CDIN1: variants seen among roughly 807,000 people sequenced by gnomAD.
CDIN1 encodes CDAN1-interacting nuclease 1.
In CDIN1, 33 loss-of-function variants were observed where a neutral mutation model predicts 45.3. That is an observed-to-expected ratio of 0.73 (90% confidence interval 0.55 to 0.97). The LOEUF is 0.97. CDIN1 is among the 50% of genes least tolerant of loss of function. The pLI is 0.00. For missense variants in CDIN1, 303 were observed against 339.4 expected, an observed-to-expected ratio of 0.89 and a Z score of 0.84; for synonymous variants, 118 against 124.4, an observed-to-expected ratio of 0.95 and a Z score of 0.34.
intron 10 of CDIN1, among the ~76,000 whole-genome samples, chr15:36,789,915 C>T (rs952881660): frequency 6.6e-6 from 1 of 152,126 alleles, no homozygotes; most frequent in African/African-American, 2.4e-5. Flanking sequence ...ATTCGCCTTT[C>T]AAATGGTGGC....
intron 3 of CDIN1, among the ~76,000 whole-genome samples, chr15:36,648,994 A>G (rs62002299): frequency 6.6e-6 from 1 of 150,762 alleles, no homozygotes; most frequent in Non-Finnish European, 1.5e-5. Context: ...AAGTGCTAGG[A>G]AAAAAAAAGT....
rs187807697 is a variant in CDIN1 at position 36,723,611 on chromosome 15, G to A, written c.716+13650G>A. Among the ~76,000 whole-genome samples the A allele has an allele frequency of 6.9e-3, 1,050 of 152,070 alleles. 4 individuals are homozygous for A. Among genetic ancestry groups the A allele is most frequent in the Non-Finnish European group, 0.01 (700 of 67,980 alleles). ...GACAAGGCTTCACTTTGTCAGCCAGGCTAGAATGAAGTGGGCACTCGTAGC... is the reference window on the plus strand; with the variant it reads ...GACAAGGCTTCACTTTGTCAGCCAGACTAGAATGAAGTGGGCACTCGTAGC... On this transcript the variant is annotated intron_variant, in intron 10 of 10. Coordinates refer to ENST00000566621, the MANE Select transcript of CDIN1 (RefSeq NM_001321759.2).
intron 10 of CDIN1, among the ~76,000 whole-genome samples, chr15:36,769,234 G>A (rs1305532278): frequency 1.3e-5 from 2 of 152,182 alleles, no homozygotes; most frequent in Non-Finnish European, 2.9e-5. Context: ...CATATATTGA[G>A]AGATTTATTT....
chr15:36,655,987 A>G (rs146010494), intron 4 of CDIN1, among the ~76,000 whole-genome samples: 308 of 152,326 alleles, frequency 2.0e-3, no homozygotes, highest in African/African-American at 6.3e-3. Context: ...CCTTTTATTT[A>G]CCATGAATAT....
chr15:36,765,171 T>G (rs2053886937), intron 10 of CDIN1, among the ~76,000 whole-genome samples: 1 of 151,508 alleles, frequency 6.6e-6, no homozygotes, highest in African/African-American at 2.4e-5. Flanking sequence ...TTCTCCTGTC[T>G]CAGCCTTCCT....
Position 36,641,829 on chromosome 15 carries a change from G to A in CDIN1, c.102-2449G>A, listed in dbSNP as rs551255059. 6 of 152,234 alleles carry A rather than the reference G, an allele frequency of 3.9e-5. No individual in the cohort carries two copies. The South Asian group carries it at 1.0e-3, about 26-fold the overall frequency. 9.4% of individuals were successfully genotyped at this position (152,234 alleles called of 1,614,324 possible). A position where few individuals can be genotyped will look rare whatever the true frequency, so the allele number is the denominator to read the frequency against. On this transcript the variant is annotated intron_variant, in intron 1 of 10. Transcript: ENST00000566621. Reference sequence around the variant, plus strand: ...ATTCTGATGGCATATTTTCCCATACGTGTTACCTTGGGACATTGTAGATGC... The same window carrying A: ...ATTCTGATGGCATATTTTCCCATACATGTTACCTTGGGACATTGTAGATGC...
chr15:36,776,750 G>T (rs8029922), intron 10 of CDIN1, among the ~76,000 whole-genome samples: 102,093 of 151,968 alleles, frequency 0.67, 37,344 homozygotes, highest in East Asian at 0.95. Context: ...CTGAGTAAAA[G>T]AAAGATAAAA....
chr15:36,663,826 CTTGCAGCTCACTTTGTAATAGATCATGA>C (rs1362818182), intron 5 of CDIN1, among the ~76,000 whole-genome samples: 1 of 152,176 alleles, frequency 6.6e-6, no homozygotes, highest in African/African-American at 2.4e-5. Flanking sequence ...TTATAAATAA[CTTGCAGCTCACTTTGTAATAGATCATGA>C]CACAGAACTA....
intron 1 of CDIN1, among the ~76,000 whole-genome samples, chr15:36,636,969 A>T (rs184445697): frequency 5.9e-5 from 9 of 152,372 alleles, no homozygotes; most frequent in African/African-American, 2.2e-4. Context: ...AACATTACAT[A>T]TAGTGGGTAA....
chr15:36,686,055 A>C (rs888876332), intron 5 of CDIN1, among the ~76,000 whole-genome samples: 7 of 152,038 alleles, frequency 4.6e-5, no homozygotes, highest in East Asian at 1.9e-4. Flanking sequence ...CCATCCCATT[A>C]CTGGGTATAT....
At chr15:36,668,235 A>G (rs991314563) in intron 5 of CDIN1, 1 of 152,136 alleles carries the variant, frequency 6.6e-6, no homozygotes, top group Non-Finnish European at 1.5e-5. Context: ...TATTTTGTTG[A>G]TAATGTACCT....
At chr15:36,642,991 G>A (rs2040171751) in intron 1 of CDIN1, among the ~76,000 whole-genome samples, 2 of 152,056 alleles carry the variant, frequency 1.3e-5, no homozygotes, top group Non-Finnish European at 2.9e-5. Context: ...ATGTGATTTG[G>A]ATGTTAAGCT....
At chr15:36,804,135 T>C (rs1045838123) in intron 10 of CDIN1, among the ~76,000 whole-genome samples, 5 of 152,130 alleles carry the variant, frequency 3.3e-5, no homozygotes, top group Non-Finnish European at 5.9e-5. Context: ...ACCAACCTCA[T>C]GGAGTTGGCA....
intron 1 of CDIN1, among the ~76,000 whole-genome samples, chr15:36,643,449 T>G (rs973778032): frequency 6.6e-6 from 1 of 152,174 alleles, no homozygotes; most frequent in African/African-American, 2.4e-5. Flanking sequence ...CAGATAGCAT[T>G]TAGTAGGAAA....
chr15:36,667,606 T>C (rs1411806316), intron 5 of CDIN1, among the ~76,000 whole-genome samples: 1 of 152,122 alleles, frequency 6.6e-6, no homozygotes, highest in African/African-American at 2.4e-5. Context: ...CTACAAATTG[T>C]ACAGAGAATC....
intron 8 of CDIN1, chr15:36,708,305 T>G (rs1230152805): frequency 6.6e-6 from 1 of 152,060 alleles, no homozygotes; most frequent in Non-Finnish European, 1.5e-5. Context: ...TGTTACTTGG[T>G]CGGGCCATTA....
intron 5 of CDIN1, among the ~76,000 whole-genome samples, chr15:36,660,756 A>G (rs1490807421): frequency 1.3e-5 from 2 of 152,192 alleles, no homozygotes; most frequent in Non-Finnish European, 2.9e-5. Context: ...TTAGCCTCAC[A>G]ACAAAACTAG....
chr15:36,785,862 TA>T (rs200645089), intron 10 of CDIN1, among the ~76,000 whole-genome samples: 4,986 of 152,246 alleles, frequency 0.033, 100 homozygotes, highest in Non-Finnish European at 0.05. Flanking sequence ...CACTGTACCA[TA>T]AAGGCAACTA....
intron 1 of CDIN1, among the ~76,000 whole-genome samples, chr15:36,621,578 TA>T (rs1262704575): frequency 1.3e-5 from 2 of 152,142 alleles, no homozygotes; most frequent in African/African-American, 4.8e-5. Flanking sequence ...TTAGGTCCTT[TA>T]AAAAAATGTA....
Sources: allele counts gnomAD v4.1 joint callset (sites outside exome capture counted in the v4.1 genomes callset), GRCh38; gene constraint gnomAD v4.1.1; transcripts MANE v1.5; gene names NCBI Gene and HGNC (gene_info 2026-07-23, HGNC 2026-07-21).